SEC14L1: variants seen among roughly 807,000 people sequenced by gnomAD.
SEC14L1 encodes the protein SEC14 like lipid binding 1, also known as SEC14-like protein 1.
Under a neutral mutation model 85.3 loss-of-function variants are expected in SEC14L1, and 48 were observed. That is an observed-to-expected ratio of 0.56 (90% CI 0.45 to 0.72). The LOEUF is 0.72. Among genes scored for constraint, SEC14L1 ranks in the 30% least tolerant of loss-of-function variants. The pLI is 0.00. For missense variants in SEC14L1, 682 were observed against 921.4 expected (o/e 0.74, Z 3.36); for synonymous variants, 391 against 355.5 (o/e 1.10, Z -1.12).
intron 15 of SEC14L1, chr17:77,212,575 A>G (rs1976815591): frequency 8.0e-6 from 2 of 248,862 alleles, no homozygotes; most frequent in Non-Finnish European, 1.6e-5. Context: ...ACAAGTACTT[A>G]GAGAACTATT....
chr17:77,103,055 C>T (rs957653590), intron 3 of SEC14L1, among the ~76,000 whole-genome samples: 1 of 152,106 alleles, frequency 6.6e-6, no homozygotes, highest in African/African-American at 2.4e-5. Context: ...TGATCCTCCA[C>T]CTCGGCCTCC....
intron 3 of SEC14L1, among the ~76,000 whole-genome samples, chr17:77,131,173 T>G (rs1300304374): frequency 6.6e-6 from 1 of 152,198 alleles, no homozygotes; most frequent in Non-Finnish European, 1.5e-5. Context: ...GGAGCTACAT[T>G]GGGCCGTTGT....
intron 3 of SEC14L1, among the ~76,000 whole-genome samples, chr17:77,182,989 G>A (rs749065486): frequency 2.0e-5 from 3 of 152,250 alleles, no homozygotes; most frequent in Non-Finnish European, 2.9e-5. Context: ...GCTGTGCTGC[G>A]CACCAGGCCT....
At chr17:77,172,029 G>A (rs931869591) in intron 3 of SEC14L1, among the ~76,000 whole-genome samples, 1 of 152,098 alleles carries the variant, frequency 6.6e-6, no homozygotes, top group African/African-American at 2.4e-5. Context: ...TATTTACTGA[G>A]CGGTCCTTAT....
At chr17:77,146,275 C>A (rs995512356) in intron 3 of SEC14L1, among the ~76,000 whole-genome samples, 1 of 152,142 alleles carries the variant, frequency 6.6e-6, no homozygotes, top group Admixed American at 6.5e-5. Context: ...GAGAGTTGGG[C>A]AGGGTGGGGG....
At chr17:77,131,431 A>C (rs1385120364) in intron 3 of SEC14L1, among the ~76,000 whole-genome samples, 1 of 152,080 alleles carries the variant, frequency 6.6e-6, no homozygotes, top group Non-Finnish European at 1.5e-5. Flanking sequence ...CACCATGCCC[A>C]ACTAATTTTT....
chr17:77,206,634 C>T lies in SEC14L1; in HGVS notation c.1342-94C>T, dbSNP rs1213684645. 2 of 1,440,226 alleles carry T rather than the reference C, an allele frequency of 1.4e-6. No homozygotes were observed. Among genetic ancestry groups the T allele is most frequent in the African/African-American group, 1.4e-5 (1 of 70,296 alleles). 89.2% of individuals were successfully genotyped at this position (1,440,226 alleles called of 1,614,324 possible). A position where few individuals can be genotyped will look rare whatever the true frequency, so the allele number is the denominator to read the frequency against. On this transcript the variant is annotated intron_variant, in intron 12 of 16. Coordinates refer to ENST00000436233, the MANE Select transcript of SEC14L1 (RefSeq NM_001143998.2). This position sits in a 1 kb window ranked among gnomAD's most constrained non-coding sequence, Gnocchi z 4.3. ...AGTATATAAACTTGAATGTCTTCCC[C>T]CCACCCTCCCACTCAGAATACCACA... is the stretch of plus-strand genomic sequence containing the variant.
intron 3 of SEC14L1, among the ~76,000 whole-genome samples, chr17:77,120,955 G>A (rs1972281996): frequency 6.6e-6 from 1 of 152,200 alleles, no homozygotes; most frequent in Admixed American, 6.5e-5. Context: ...GTTATCGTGG[G>A]TTGTGGCAGA....
rs902228356 is a variant in SEC14L1 at position 77,213,594 on chromosome 17, G to A, written c.2042+102G>A. ...TGCAGGATCAGCAGTGGCGGCGGGT[G>A]TCAGGAATGCTTGGAGGGCCAGGAG... On this transcript the variant is annotated intron_variant, in intron 16 of 16. Transcript: ENST00000436233. The surrounding 1 kb of genome is among the most constrained non-coding windows in gnomAD (Gnocchi z 7.1). The A allele has an allele frequency of 2.8e-6, 4 of 1,409,926 alleles. No individual in the cohort carries two copies. Among genetic ancestry groups the A allele is most frequent in the African/African-American group, 2.8e-5 (2 of 71,062 alleles). 87.3% of individuals were successfully genotyped at this position (1,409,926 alleles called of 1,614,324 possible).
chr17:77,184,015 A>T (rs1033245571), intron 3 of SEC14L1, among the ~76,000 whole-genome samples: 7 of 152,078 alleles, frequency 4.6e-5, no homozygotes, highest in African/African-American at 1.7e-4. Context: ...CGAACTCCTG[A>T]CCTCAGGTGA....
chr17:77,180,224 C>A (rs1384415317), intron 3 of SEC14L1, among the ~76,000 whole-genome samples: 1 of 151,260 alleles, frequency 6.6e-6, no homozygotes, highest in Non-Finnish European at 1.5e-5. Context: ...CTGCCTCAAC[C>A]TCTCGAGTAG....
rs75149877 is a variant in SEC14L1, at chr17:77,119,308, A to C, written c.-135-23338A>C. Among the ~76,000 whole-genome samples, 9 of 86,254 alleles carry C rather than the reference A, an allele frequency of 1.0e-4. 1 individual carries two copies. Among genetic ancestry groups the C allele is most frequent in the Admixed American group, 2.7e-4 (2 of 7,430 alleles). The allele number at this position is 86,254 out of a possible 152,430, so 56.6% of individuals were successfully genotyped here. A position where few individuals can be genotyped will look rare whatever the true frequency, so the allele number is the denominator to read the frequency against. On this transcript the variant is annotated intron_variant, in intron 3 of 19. Coordinates refer to the SEC14L1 transcript ENST00000392476. ...GGGTGACAGAGTGAGACTCCATCCC[A>C]AAAAAAAAAAAAAAAAATACAGCCT...
intron 3 of SEC14L1, among the ~76,000 whole-genome samples, chr17:77,150,991 C>A (rs1273712767): frequency 6.6e-6 from 1 of 152,110 alleles, no homozygotes; most frequent in Non-Finnish European, 1.5e-5. Context: ...CATCCTTGGG[C>A]CTTTTTGTAT....
chr17:77,205,968 G>A lies in SEC14L1; in HGVS notation c.1170-261G>A, dbSNP rs192152364. Among the ~76,000 whole-genome samples the A allele has an allele frequency of 1.7e-4, 26 of 152,294 alleles. 1 individual carries two copies. The East Asian group carries it at 5.0e-3, about 29-fold the overall frequency. On this transcript the variant is annotated intron_variant, in intron 11 of 16. Transcript: ENST00000436233. ...GTGGCTTTGCTTGCCGGCTCACTGAGCATATCTGAGAGAGCTTTTCGTGCA... is the reference window on the plus strand; with the variant it reads ...GTGGCTTTGCTTGCCGGCTCACTGAACATATCTGAGAGAGCTTTTCGTGCA...
At chr17:77,207,543 C>G (rs541241204) in intron 13 of SEC14L1, among the ~76,000 whole-genome samples, 2 of 152,240 alleles carry the variant, frequency 1.3e-5, no homozygotes, top group African/African-American at 4.8e-5. Context: ...CCTCCGCCTC[C>G]CAGATTCAAG....
rs1249794459 is a variant in SEC14L1 at position 77,190,063 on chromosome 17, A to AT, written c.64-732dup. ...TAGCCCAGGATCCCAAAGATTTTCT[A>AT]TTTTTTTTCCCTAAAAGTTTTAGTT... On this transcript the variant is annotated intron_variant, in intron 3 of 16. Transcript: ENST00000436233. Among the ~76,000 whole-genome samples, 11 of 152,020 alleles carry AT rather than the reference A, an allele frequency of 7.2e-5. No homozygotes were observed. In the South Asian group the frequency reaches 1.0e-3, roughly 14 times the overall value.
chr17:77,136,809 C>T (rs1451465619), upstream of SEC14L1, among the ~76,000 whole-genome samples: 3 of 152,040 alleles, frequency 2.0e-5, no homozygotes, highest in African/African-American at 7.2e-5. Flanking sequence ...CGTGTTAGGC[C>T]ATTCTCGAAT....
chr17:77,103,536 G>A (rs569800593), intron 3 of SEC14L1, among the ~76,000 whole-genome samples: 2 of 150,212 alleles, frequency 1.3e-5, no homozygotes, highest in South Asian at 4.2e-4. Context: ...CTGCCTCCTG[G>A]GCTCAAGCGA....
chr17:77,173,537 A>T (rs1048415674), intron 3 of SEC14L1, among the ~76,000 whole-genome samples: 1 of 152,098 alleles, frequency 6.6e-6, no homozygotes, highest in Non-Finnish European at 1.5e-5. Flanking sequence ...GTAGAGGTGG[A>T]CAGGCCCCTG....
Sources: allele counts gnomAD v4.1 joint callset (sites outside exome capture counted in the v4.1 genomes callset), GRCh38; gene constraint gnomAD v4.1.1; non-coding constraint Gnocchi (gnomAD v3.1); transcripts MANE v1.5; gene names NCBI Gene and HGNC (gene_info 2026-07-23, HGNC 2026-07-21).